Variants in TMEM178B observed in about 807,000 individuals in gnomAD.
The protein encoded by TMEM178B is transmembrane protein 178B.
TMEM178B carries 5 observed loss-of-function variants against 31.0 expected under a neutral mutation model. The ratio of observed to expected loss-of-function variants is 0.16; its 90% CI spans 0.08 to 0.34. TMEM178B has a LOEUF of 0.34. TMEM178B is among the 10% of genes least tolerant of loss of function. The probability of loss-of-function intolerance (pLI) is 1.00; values close to 1 mark genes in which losing one functional copy is unlikely to be tolerated. For synonymous variants in TMEM178B, 164 were observed against 164.0 expected (o/e 1.00, Z 0.00); for missense variants, 275 against 400.3 (o/e 0.69, Z 2.67).
intron 2 of TMEM178B, among the ~76,000 whole-genome samples, chr7:141,359,281 G>C (rs888082535): frequency 6.6e-6 from 1 of 152,166 alleles, no homozygotes; most frequent in Non-Finnish European, 1.5e-5. Flanking sequence ...CCAGGGTATA[G>C]CCTCCCAGCA....
rs149004636 is a variant in TMEM178B, at chr7:141,203,636, C to T, written c.383-8955C>T. On this transcript the variant is annotated intron_variant, in intron 1 of 3. Transcript: ENST00000565468. Reference sequence around the variant, plus strand: ...CCGTGGTGTCTGAAACTGCTGCACTCACACTGGAAAGCACATACCTGGGTT... The same window carrying T: ...CCGTGGTGTCTGAAACTGCTGCACTTACACTGGAAAGCACATACCTGGGTT... 1.7e-3 allele frequency among the ~76,000 whole-genome samples: 254 copies of T among 152,338 alleles called. 2 individuals are homozygous for T. Among genetic ancestry groups the T allele is most frequent in the African/African-American group, 5.7e-3 (235 of 41,570 alleles).
intron 2 of TMEM178B, among the ~76,000 whole-genome samples, chr7:141,299,216 A>C (rs1000749486): frequency 1.3e-5 from 2 of 152,016 alleles, no homozygotes; most frequent in African/African-American, 4.8e-5. Flanking sequence ...TCACTCTGTC[A>C]CCCAGGCTGG....
intron 2 of TMEM178B, among the ~76,000 whole-genome samples, chr7:141,401,629 C>T (rs969222615): frequency 7.2e-5 from 11 of 151,788 alleles, no homozygotes; most frequent in African/African-American, 2.7e-4. Context: ...GGTATGTTGC[C>T]CAGGCTGGTC....
chr7:141,484,491 G>A (rs971487904), downstream of TMEM178B, among the ~76,000 whole-genome samples: 3 of 152,170 alleles, frequency 2.0e-5, no homozygotes, highest in Non-Finnish European at 2.9e-5. The surrounding 1 kb of genome is among the most constrained non-coding windows in gnomAD (Gnocchi z 4.8). Flanking sequence ...ACACTGGTCT[G>A]GAACATTCAT....
chr7:141,488,021 C>T, the TMEM178B span, among the ~76,000 whole-genome samples: 2,979 of 151,586 alleles, frequency 0.02, 94 homozygotes, highest in African/African-American at 0.068. Flanking sequence ...AAATTGTAGG[C>T]CTTAAAAGAT....
At chr7:141,158,418 T>C (rs1796110996) in intron 1 of TMEM178B, among the ~76,000 whole-genome samples, 1 of 152,208 alleles carries the variant, frequency 6.6e-6, no homozygotes, top group South Asian at 2.1e-4. Flanking sequence ...AATTGATGTC[T>C]GTCCTGAAAG....
At chr7:141,248,354 T>A (rs1232119824) in intron 2 of TMEM178B, among the ~76,000 whole-genome samples, 16 of 152,156 alleles carry the variant, frequency 1.1e-4, no homozygotes, top group Admixed American at 1.0e-3. Flanking sequence ...GAGGTTGTAG[T>A]GAGCCGAGAT....
At chr7:141,481,448 G>A (rs567633508), downstream of TMEM178B, among the ~76,000 whole-genome samples, 3 of 152,174 alleles carry the variant, frequency 2.0e-5, 1 homozygote, top group Non-Finnish European at 4.4e-5. Context: ...CTGCATCTCC[G>A]TGTGGTAGAT....
At chr7:141,487,059 A>C in the TMEM178B span, among the ~76,000 whole-genome samples, 1 of 152,176 alleles carries the variant, frequency 6.6e-6, no homozygotes, top group East Asian at 1.9e-4. Flanking sequence ...TGGGGAAGAG[A>C]GCAACAGAGC....
At position 141,131,659 on chromosome 7, in the gene TMEM178B, C is replaced by T. The variant is rs114984649; in HGVS notation, c.382+56967C>T. On this transcript the variant is annotated intron_variant, in intron 1 of 3. Coordinates refer to ENST00000565468, the MANE Select transcript of TMEM178B (RefSeq NM_001195278.2). ...TTTATTTTTATTGCTGAGTAGTATC[C>T]TCATAGTATGAACATCTCACAGTTT... Among the ~76,000 whole-genome samples, 397 of 152,292 alleles carry T rather than the reference C, an allele frequency of 2.6e-3. 1 individual carries two copies. Among genetic ancestry groups the T allele is most frequent in the African/African-American group, 9.0e-3 (374 of 41,558 alleles).
chr7:141,419,466 C>G (rs1446748717), intron 2 of TMEM178B, among the ~76,000 whole-genome samples: 2 of 152,150 alleles, frequency 1.3e-5, no homozygotes, highest in Non-Finnish European at 2.9e-5. Flanking sequence ...GCCTCTCAAC[C>G]CTGTTCTCTG....
intron 2 of TMEM178B, among the ~76,000 whole-genome samples, chr7:141,298,179 T>C (rs535276392): frequency 1.3e-5 from 2 of 152,316 alleles, no homozygotes; most frequent in South Asian, 4.1e-4. Flanking sequence ...CTGTTCATAT[T>C]CTTTGCCCAC....
chr7:141,164,739 A>C (rs1237403852), intron 1 of TMEM178B, among the ~76,000 whole-genome samples: 1 of 152,140 alleles, frequency 6.6e-6, no homozygotes, highest in Non-Finnish European at 1.5e-5. Flanking sequence ...CTTTTTCATA[A>C]GAAAAAGAGG....
At chr7:141,388,073 C>T (rs1723407832) in intron 2 of TMEM178B, among the ~76,000 whole-genome samples, 1 of 152,212 alleles carries the variant, frequency 6.6e-6, no homozygotes, top group South Asian at 2.1e-4. Flanking sequence ...GTTGTGACCG[C>T]AGATGACATT....
chr7:141,113,138 C>G (rs1795261405), intron 1 of TMEM178B, among the ~76,000 whole-genome samples: 1 of 152,126 alleles, frequency 6.6e-6, no homozygotes, highest in African/African-American at 2.4e-5. Context: ...AACTCAAGGC[C>G]TTTGCTCATG....
At chr7:141,437,810 G>C in intron 3 of TMEM178B, 65 bp downstream of exon 3, 1 of 1,529,442 alleles carries the variant, frequency 6.5e-7, no homozygotes, top group Non-Finnish European at 8.8e-7. Context: ...AATTTGGGGA[G>C]AATGGCCAGA....
intron 2 of TMEM178B, among the ~76,000 whole-genome samples, chr7:141,326,870 G>A (rs1339056396): frequency 1.3e-5 from 2 of 152,160 alleles, no homozygotes; most frequent in Non-Finnish European, 2.9e-5. Context: ...CGATATGGTA[G>A]CCACTAACTA....
At chr7:141,510,106 G>A in the TMEM178B span, among the ~76,000 whole-genome samples, 1 of 152,204 alleles carries the variant, frequency 6.6e-6, no homozygotes, top group East Asian at 1.9e-4. Flanking sequence ...GAACCCAGCT[G>A]GGACTTGGCA....
At chr7:141,442,747 G>A (rs1801685118) in intron 3 of TMEM178B, among the ~76,000 whole-genome samples, 1 of 152,276 alleles carries the variant, frequency 6.6e-6, no homozygotes, top group Non-Finnish European at 1.5e-5. Context: ...AGCCACCTAG[G>A]CATGCTCTAC....
Sources: allele counts gnomAD v4.1 joint callset (sites outside exome capture counted in the v4.1 genomes callset), GRCh38; gene constraint gnomAD v4.1.1; non-coding constraint Gnocchi (gnomAD v3.1); transcripts MANE v1.5; gene names NCBI Gene and HGNC (gene_info 2026-07-23, HGNC 2026-07-21).